Variants in HNF4G observed in about 807,000 individuals in gnomAD.
HNF4G encodes hepatocyte nuclear factor 4 gamma.
A neutral mutation model predicts 50.9 loss-of-function variants in HNF4G; 21 were observed. That is an observed-to-expected ratio of 0.41 (90% CI 0.29 to 0.59). HNF4G has a LOEUF of 0.59. Ranked by LOEUF, HNF4G falls within the 20% of genes least tolerant of loss-of-function variation. HNF4G has a pLI of 0.26. For missense variants in HNF4G, 527 were observed against 559.4 expected (o/e 0.94, Z 0.58); for synonymous variants, 198 against 185.6 (o/e 1.07, Z -0.54).
intron 2 of HNF4G, among the ~76,000 whole-genome samples, chr8:75,533,316 A>C (rs1018682066): frequency 6.6e-6 from 1 of 152,020 alleles, no homozygotes; most frequent in African/African-American, 2.4e-5. Flanking sequence ...AATCACCTAA[A>C]GAGTTTTTAA....
intron 2 of HNF4G, among the ~76,000 whole-genome samples, chr8:75,524,458 C>T (rs977097787): frequency 1.1e-4 from 16 of 152,228 alleles, no homozygotes; most frequent in African/African-American, 2.4e-4. Context: ...AATGTTTCAT[C>T]ATTTAGTATT....
chr8:75,521,132 A>G (rs1425201699), intron 2 of HNF4G, among the ~76,000 whole-genome samples: 1 of 152,198 alleles, frequency 6.6e-6, no homozygotes, highest in African/African-American at 2.4e-5. Context: ...ACTATTGTTA[A>G]AACCTACTCA....
chr8:75,436,180 G>T (rs1463252977), intron 1 of HNF4G, among the ~76,000 whole-genome samples: 1 of 152,076 alleles, frequency 6.6e-6, no homozygotes, highest in Admixed American at 6.6e-5. Context: ...AAAATATATT[G>T]TAAATAGGAG....
At chr8:75,485,640 T>A (rs982820873) in intron 1 of HNF4G, 13 of 152,236 alleles carry the variant, frequency 8.5e-5, no homozygotes, top group Non-Finnish European at 1.8e-4. Flanking sequence ...AGATACCTAA[T>A]TTATTTATTT....
intron 8 of HNF4G, among the ~76,000 whole-genome samples, chr8:75,559,807 G>T (rs991275536): frequency 6.6e-6 from 1 of 151,928 alleles, no homozygotes; most frequent in Non-Finnish European, 1.5e-5. Context: ...TTGTGCTCCT[G>T]AAATAATTAA....
chr8:75,415,783 G>A (rs889308685), intron 1 of HNF4G, among the ~76,000 whole-genome samples: 4 of 151,952 alleles, frequency 2.6e-5, no homozygotes, highest in African/African-American at 2.4e-5. Context: ...GTGTGTTGGG[G>A]GGTGGGGGGC....
At chr8:75,563,931 G>C (rs192699665) in intron 9 of HNF4G, 44 bp from the exon 10 acceptor site, 6 of 1,607,684 alleles carry the variant, frequency 3.7e-6, no homozygotes, top group Non-Finnish European at 5.1e-6. Flanking sequence ...GGGTGAGGAA[G>C]ACTGACTGCC....
At chr8:75,417,960 T>TACACACACAC (rs144672882) in intron 1 of HNF4G, among the ~76,000 whole-genome samples, 59 of 148,864 alleles carry the variant, frequency 4.0e-4, no homozygotes, top group Middle Eastern at 3.5e-3. Flanking sequence ...TGTGTGTGTC[T>TACACACACAC]ACACACACAC....
chr8:75,538,509 T>C (rs899182419), upstream of HNF4G, among the ~76,000 whole-genome samples: 3 of 152,186 alleles, frequency 2.0e-5, no homozygotes, highest in Non-Finnish European at 2.9e-5. Flanking sequence ...ATTAGAAAGT[T>C]TGTGGGCTCT....
chr8:75,537,467 A>G (rs995639382), upstream of HNF4G, among the ~76,000 whole-genome samples: 2 of 152,002 alleles, frequency 1.3e-5, no homozygotes, highest in African/African-American at 4.8e-5. Flanking sequence ...GCTGGTCTCA[A>G]ACTCCTGGGC....
chr8:75,506,430 T>C (rs1377267934), intron 2 of HNF4G, among the ~76,000 whole-genome samples: 2 of 152,162 alleles, frequency 1.3e-5, no homozygotes, highest in Non-Finnish European at 2.9e-5. Flanking sequence ...CCTCATTTTA[T>C]CCTTTTGAAT....
At chr8:75,428,112 T>C (rs1235463865) in intron 1 of HNF4G, among the ~76,000 whole-genome samples, 1 of 152,156 alleles carries the variant, frequency 6.6e-6, no homozygotes, top group Non-Finnish European at 1.5e-5. Flanking sequence ...TCAACATGAG[T>C]AATAATATTA....
intron 2 of HNF4G, among the ~76,000 whole-genome samples, chr8:75,533,912 A>G (rs1276406464): frequency 6.6e-6 from 1 of 151,836 alleles, no homozygotes; most frequent in Non-Finnish European, 1.5e-5. Flanking sequence ...TCTTATTTAT[A>G]TGTTTATTTA....
At chr8:75,523,840 A>G (rs914014250) in intron 2 of HNF4G, among the ~76,000 whole-genome samples, 2 of 151,980 alleles carry the variant, frequency 1.3e-5, no homozygotes, top group African/African-American at 2.4e-5. Context: ...ATATACTTCT[A>G]TATTTTTATA....
At chr8:75,519,642 G>T (rs1289169184) in intron 2 of HNF4G, among the ~76,000 whole-genome samples, 1 of 152,148 alleles carries the variant, frequency 6.6e-6, no homozygotes, top group Non-Finnish European at 1.5e-5. Context: ...CAACCCCTAT[G>T]ATTCAATTGC....
intron 2 of HNF4G, among the ~76,000 whole-genome samples, chr8:75,523,500 A>G (rs1356892210): frequency 6.6e-6 from 1 of 152,190 alleles, no homozygotes; most frequent in Non-Finnish European, 1.5e-5. Context: ...ACTCCTAGAT[A>G]TATAATAAAC....
chr8:75,521,935 G>T (rs1273329473), intron 2 of HNF4G, among the ~76,000 whole-genome samples: 1 of 152,230 alleles, frequency 6.6e-6, no homozygotes, highest in East Asian at 1.9e-4. Context: ...TATTATGATG[G>T]TGCAAAAGCA....
chr8:75,454,243 A>G (rs1363274959), intron 1 of HNF4G, among the ~76,000 whole-genome samples: 2 of 152,114 alleles, frequency 1.3e-5, no homozygotes, highest in Non-Finnish European at 2.9e-5. Context: ...CTGATTTTGG[A>G]CTTACAGTCT....
upstream of HNF4G, among the ~76,000 whole-genome samples, chr8:75,538,988 G>A (rs1806539831): frequency 1.3e-5 from 2 of 152,130 alleles, no homozygotes; most frequent in East Asian, 3.9e-4. Context: ...ATTCTTTCTT[G>A]GAAAATAGAA....
Sources: gnomAD v4.1 joint callset for allele counts (sites outside exome capture counted in the v4.1 genomes callset) on GRCh38, gnomAD v4.1.1 for gene constraint, MANE v1.5 for transcripts, NCBI Gene and HGNC (gene_info 2026-07-23, HGNC 2026-07-21) for gene names.